Variants in TST observed in about 807,000 individuals in gnomAD.
The protein encoded by TST is thiosulfate sulfurtransferase, also known as epididymis secretory sperm binding protein.
Under a neutral mutation model 20.4 loss-of-function variants are expected in TST, and 22 were observed. The observed-to-expected ratio is 1.08, with a 90% CI of 0.77 to 1.54. The LOEUF (loss-of-function observed/expected upper bound fraction) is 1.54, where lower values mean the gene tolerates loss of function less well. Ranked by LOEUF, TST falls within the 40% of genes most tolerant of loss-of-function variation. The pLI, the probability that TST is intolerant of heterozygous loss-of-function variation, is 0.00. For synonymous variants in TST, 187 were observed against 173.8 expected (o/e 1.08, Z -0.60); for missense variants, 392 against 405.2 (o/e 0.97, Z 0.28).
At chr22:37,017,342 G>T (rs1019841930) in intron 2 of TST, among the ~76,000 whole-genome samples, 1 of 152,174 alleles carries the variant, frequency 6.6e-6, no homozygotes, top group Non-Finnish European at 1.5e-5. Context: ...CGCCTTCCTG[G>T]GGCAACTAGC....
At chr22:37,014,154 A>C (rs1280960792) in intron 2 of TST, among the ~76,000 whole-genome samples, 1 of 152,154 alleles carries the variant, frequency 6.6e-6, no homozygotes, top group Non-Finnish European at 1.5e-5. Context: ...CGAGGTCAGG[A>C]GATCGAGACC....
rs764814171 is a variant in TST, at chr22:37,018,482, T to A, written c.251A>T (p.Tyr84Phe). 1 of 1,610,214 alleles carries A rather than the reference T, an allele frequency of 6.2e-7. No homozygotes were observed. Among genetic ancestry groups the A allele is most frequent in the Non-Finnish European group, 8.5e-7 (1 of 1,178,324 alleles). The change falls in exon 2 of 3, where the codon TAT becomes TTT. Residue 84 changes from tyrosine to phenylalanine, a missense_variant. By Grantham distance (22) the Tyr-to-Phe change is conservative. Coordinates refer to ENST00000249042, the MANE Select transcript of TST (RefSeq NM_003312.6). ...GTTGCTGATGCCCAGGCGGCCCACA[T>A]ACTCGGCGAAGCCAGCCTCGCTGGG... ...MLPSEAGFAE[Y>F]VGRLGISNHT...
chr22:37,011,968 A>C (rs1229818480), intron 2 of TST, among the ~76,000 whole-genome samples: 1 of 152,240 alleles, frequency 6.6e-6, no homozygotes, highest in East Asian at 1.9e-4. Context: ...TCTGTTAAGC[A>C]CACAGTTGCA....
intron 2 of TST, among the ~76,000 whole-genome samples, chr22:37,014,592 G>C (rs186237145): frequency 1.4e-3 from 149 of 105,186 alleles, no homozygotes; most frequent in Admixed American, 5.7e-3. Flanking sequence ...AAGCAGGGGA[G>C]ATTATTCTCT....
chr22:37,018,183 A>G lies in TST; in HGVS notation c.550T>C (p.Ser184Pro). 6.2e-7 allele frequency: 1 copy of G among 1,602,426 alleles called. No individual in the cohort carries two copies. Among genetic ancestry groups the G allele is most frequent in the Non-Finnish European group, 8.5e-7 (1 of 1,172,868 alleles). ...TCGGTGCCCAGGAACCGCCCTTGAG[A>G]CCTTGAATCCACCAGCTGGAACCTC... is the stretch of plus-strand genomic sequence containing the variant. ...SKRFQLVDSR[S>P]QGRFLGTEPE... Residue 184 changes from serine to proline, a missense_variant, in exon 2 of 3, where the codon TCT becomes CCT. By Grantham distance (74) the Ser-to-Pro change is moderately conservative. Transcript: ENST00000249042.
At chr22:37,011,674 G>A (rs1041559513) in intron 2 of TST, among the ~76,000 whole-genome samples, 2 of 152,104 alleles carry the variant, frequency 1.3e-5, no homozygotes, top group Non-Finnish European at 1.5e-5. Flanking sequence ...GGGCTCAGTG[G>A]TACATACCTA....
At position 37,011,323 on chromosome 22, in the gene TST, G is replaced by T. The variant is rs1359839964; in HGVS notation, c.598C>A (p.Leu200Met). The part of the protein sequence containing the change: ...GTEPEPDAVG[L>M]DSGHIRGAVN... Reference sequence around the variant, plus strand: ...GCACCACGGATATGGCCCGAGTCCAGTCCTGGGCAGGGCAGAGGACACAGC... The same window carrying T: ...GCACCACGGATATGGCCCGAGTCCATTCCTGGGCAGGGCAGAGGACACAGC... The change falls in exon 3 of 3, where the codon CTG (leucine) becomes ATG (methionine). Residue 200 changes from leucine to methionine, a missense_variant and splice_region_variant. Coordinates refer to ENST00000249042, the MANE Select transcript of TST (RefSeq NM_003312.6). The T allele has an allele frequency of 1.1e-5, 17 of 1,610,498 alleles. No individual in the cohort carries two copies. Among genetic ancestry groups the T allele is most frequent in the Non-Finnish European group, 1.4e-5 (17 of 1,177,444 alleles).
intron 2 of TST, among the ~76,000 whole-genome samples, chr22:37,016,202 C>A (rs1922675932): frequency 1.3e-5 from 2 of 151,964 alleles, no homozygotes; most frequent in Non-Finnish European, 2.9e-5. Context: ...ACCTTGGTCT[C>A]CCAAGGTGCT....
In TST at chr22:37,018,281, G is replaced by GT. The variant is rs1922773347; in HGVS notation, c.451_452insA (p.Ala151AspfsTer23). The GT allele has an allele frequency of 6.2e-7, 1 of 1,614,060 alleles. No homozygotes were observed. On this transcript the variant is annotated frameshift_variant, in exon 2 of 3. Coordinates refer to ENST00000249042, the MANE Select transcript of TST (RefSeq NM_003312.6). LOFTEE classifies it high-confidence loss of function. ...GCGGTCCAGTGTGGCTTTGAAGACG[G>GT]CCGGTTCTGGGCGTGAGGGCTCGGA... is the stretch of plus-strand genomic sequence containing the variant.
chr22:37,013,341 A>T (rs1407467299), intron 2 of TST: 1 of 152,040 alleles, frequency 6.6e-6, no homozygotes, highest in Non-Finnish European at 1.5e-5. Flanking sequence ...AAGGCCAGGC[A>T]TGGTGGCTTA....
chr22:37,019,460 C>G (rs537596104), upstream of TST: 2 of 150,814 alleles, frequency 1.3e-5, no homozygotes, highest in Non-Finnish European at 3.0e-5. Flanking sequence ...CCGGTTCAAA[C>G]CCCCGGCCGC....
chr22:37,011,371 G>T, intron 2 of TST, 46 bp from the exon 3 acceptor site: 1 of 1,567,764 alleles, frequency 6.4e-7, no homozygotes, highest in South Asian at 1.2e-5. Context: ...TGAGGGGTGG[G>T]GACTAATGGG....
At chr22:37,013,960 A>T (rs1289081819) in intron 2 of TST, among the ~76,000 whole-genome samples, 26 of 152,186 alleles carry the variant, frequency 1.7e-4, no homozygotes, top group Admixed American at 1.4e-3. Context: ...CGGGCCTCCC[A>T]CACTGGGCCA....
chr22:37,015,448 G>A (rs1361196610), intron 2 of TST, among the ~76,000 whole-genome samples: 2 of 152,162 alleles, frequency 1.3e-5, no homozygotes, highest in South Asian at 4.1e-4. Context: ...CTCCTTTCAC[G>A]AACAACAGTT....
rs1922441429 is a variant in TST, at chr22:37,010,928, A to G, written c.*99T>C. ...AGGGTGAGCCTTGCACAGCAATTCTAAAAACATGTCATCTCCTTCACCTAA... is the reference window on the plus strand; with the variant it reads ...AGGGTGAGCCTTGCACAGCAATTCTGAAAACATGTCATCTCCTTCACCTAA... On this transcript the variant is annotated 3_prime_UTR_variant, in exon 3 of 3. Transcript: ENST00000249042. 1.3e-6 allele frequency: 2 copies of G among 1,487,914 alleles called. No individual in the cohort carries two copies. The highest frequency in any genetic ancestry group is 2.8e-5 in the African/African-American group (2 of 71,404). The allele number at this position is 1,487,914 out of a possible 1,614,324, so 92.2% of individuals were successfully genotyped here. A position where few individuals can be genotyped will look rare whatever the true frequency, so the allele number is the denominator to read the frequency against.
upstream of TST, chr22:37,019,772 C>T: frequency 1.4e-6 from 1 of 734,624 alleles, no homozygotes; most frequent in Non-Finnish European, 1.9e-6. Flanking sequence ...TGGTCCGCTG[C>T]AGGTTGGTGG....
chr22:37,016,994 A>C (rs1444835671), intron 2 of TST, among the ~76,000 whole-genome samples: 2 of 152,190 alleles, frequency 1.3e-5, no homozygotes, highest in Non-Finnish European at 2.9e-5. Flanking sequence ...GGAGGTACAG[A>C]CAGGAAGAGA....
At position 37,018,159 on chromosome 22, in the gene TST, C is replaced by T. The variant is rs746619165; in HGVS notation, c.574G>A (p.Glu192Lys). 7.7e-6 allele frequency: 12 copies of T among 1,563,128 alleles called. No homozygotes were observed. Among genetic ancestry groups the T allele is most frequent in the South Asian group, 1.2e-5 (1 of 83,712 alleles). The change falls in exon 2 of 3, where the codon GAG becomes AAG. Residue 192 changes from glutamate to lysine, a missense_variant. Glu to Lys is a moderately conservative substitution (Grantham distance 56). Transcript: ENST00000249042. ...CTACCTACTGCATCCGGCTCCGGCT[C>T]GGTGCCCAGGAACCGCCCTTGAGAC... ...SRSQGRFLGT[E>K]PEPDAVGLDS...
chr22:37,019,907 AG>A (rs1218296557), upstream of TST: 7 of 1,029,188 alleles, frequency 6.8e-6, no homozygotes, highest in South Asian at 4.9e-5. Flanking sequence ...GCCTTTCTGG[AG>A]GGGGAGGGAG....
Sources: gnomAD v4.1 joint callset for allele counts (sites outside exome capture counted in the v4.1 genomes callset) on GRCh38, gnomAD v4.1.1 for gene constraint, MANE v1.5 for transcripts, NCBI Gene and HGNC (gene_info 2026-07-23, HGNC 2026-07-21) for gene names.